The following NTMT2 variants were observed in gnomAD, a reference collection of about 807,000 sequenced individuals.
NTMT2 encodes the protein N-terminal Xaa-Pro-Lys N-methyltransferase 2.
Under a neutral mutation model 23.4 loss-of-function variants are expected in NTMT2, and 21 were observed. That is an observed-to-expected ratio of 0.90 (90% CI 0.64 to 1.29). The LOEUF is 1.29. NTMT2 is among the 50% of genes most tolerant of loss of function. The probability of loss-of-function intolerance (pLI) is 0.00; values close to 1 mark genes in which losing one functional copy is unlikely to be tolerated. For synonymous variants in NTMT2, 131 were observed against 127.7 expected (o/e 1.03, Z -0.17); for missense variants, 336 against 352.0 (o/e 0.95, Z 0.36).
At position 170,163,083 on chromosome 1, in the gene NTMT2, G is replaced by A. The variant is rs1412512150; in HGVS notation, c.330+2390G>A. On this transcript the variant is annotated intron_variant, in intron 2 of 3. Transcript: ENST00000439373. ...GATGCTGGTCAGACAGAGCCCATAA[G>A]CACGCCCACAGACCTGGGAAAGGAA... 2.6e-5 allele frequency among the ~76,000 whole-genome samples: 4 copies of A among 152,108 alleles called. No individual in the cohort carries two copies. The East Asian group carries it at 7.7e-4, about 29-fold the overall frequency.
Position 170,160,351 on chromosome 1 carries a change from G to A in NTMT2, c.155-167G>A, listed in dbSNP as rs878918907. Among the ~76,000 whole-genome samples, 4 of 152,272 alleles carry A rather than the reference G, an allele frequency of 2.6e-5. No individual in the cohort carries two copies. In the South Asian group the frequency reaches 8.3e-4, roughly 32 times the overall value. On this transcript the variant is annotated intron_variant, in intron 1 of 3. Transcript: ENST00000439373. ...AGATGTTTTCCCAGCATTACATAGT[G>A]CATAAGTCATGGAGCCAAAACTCAA...
At chr1:170,146,576 A>G (rs1478313627) in intron 1 of NTMT2, among the ~76,000 whole-genome samples, 1 of 152,186 alleles carries the variant, frequency 6.6e-6, no homozygotes, top group Non-Finnish European at 1.5e-5. Context: ...TTTACAAAAA[A>G]TTGTAATTGG....
At chr1:170,162,856 C>CTTTATTTATTTA (rs61583139) in intron 2 of NTMT2, among the ~76,000 whole-genome samples, 15 of 148,874 alleles carry the variant, frequency 1.0e-4, no homozygotes, top group African/African-American at 2.0e-4. Flanking sequence ...AAAATCCCTG[C>CTTTATTTATTTA]TTTATTTATT....
intron 2 of NTMT2, among the ~76,000 whole-genome samples, chr1:170,163,466 G>A (rs765283790): frequency 7.9e-5 from 12 of 152,172 alleles, no homozygotes; most frequent in Non-Finnish European, 1.8e-4. Flanking sequence ...ATTTACTTTA[G>A]CAAATAAACA....
At chr1:170,166,375 T>C (rs1673386377) in intron 2 of NTMT2, 127 bp from the exon 3 acceptor site, 3 of 911,210 alleles carry the variant, frequency 3.3e-6, no homozygotes, top group Admixed American at 4.8e-5. Context: ...TCTCTTGACC[T>C]CGTGATCCGC....
intron 3 of NTMT2, among the ~76,000 whole-genome samples, chr1:170,167,062 A>G (rs1673408886): frequency 6.6e-6 from 1 of 152,208 alleles, no homozygotes; most frequent in African/African-American, 2.4e-5. Flanking sequence ...TCAAAAGTGC[A>G]GTCAAAAAGG....
rs1331551260 is a variant in NTMT2, at chr1:170,166,507, T to A, written c.336T>A (p.Pro112=). ...QKFLRKFVGG[P]GRAGTDCALD... ...ATCAAGGTGCCTTTCTGCAGGGGCC[T>A]GGGAGAGCTGGAACAGACTGCGCCT... Residue 112 remains proline, a synonymous_variant, in exon 3 of 4, where the codon CCT becomes CCA. Transcript: ENST00000439373. 1 of 1,552,290 alleles carries A rather than the reference T, an allele frequency of 6.4e-7. No homozygotes were observed. Among genetic ancestry groups the A allele is most frequent in the Non-Finnish European group, 8.7e-7 (1 of 1,147,136 alleles).
At position 170,167,467 on chromosome 1, in the gene NTMT2, C is replaced by T; in HGVS notation, c.581-19C>T. The T allele has an allele frequency of 6.5e-7, 1 of 1,526,842 alleles. No homozygotes were observed. Among genetic ancestry groups the T allele is most frequent in the African/African-American group, 1.4e-5 (1 of 72,818 alleles). The allele number at this position is 1,526,842 out of a possible 1,614,324, so 94.6% of individuals were successfully genotyped here. A position where few individuals can be genotyped will look rare whatever the true frequency, so the allele number is the denominator to read the frequency against. ...CACCATTTCTTCCTGTTCCCCCATCCACTTGGTCTCCCTTGTAGGGCACCT... is the reference window on the plus strand; with the variant it reads ...CACCATTTCTTCCTGTTCCCCCATCTACTTGGTCTCCCTTGTAGGGCACCT... On this transcript the variant is annotated intron_variant, in intron 3 of 3. Transcript: ENST00000439373.
intron 2 of NTMT2, among the ~76,000 whole-genome samples, chr1:170,165,729 T>C (rs965120321): frequency 2.0e-5 from 3 of 152,344 alleles, no homozygotes; most frequent in African/African-American, 7.2e-5. Flanking sequence ...TTTGCTTTTC[T>C]GTAGTGTAAT....
intron 1 of NTMT2, among the ~76,000 whole-genome samples, chr1:170,155,258 A>C (rs1343726010): frequency 1.3e-5 from 2 of 152,180 alleles, no homozygotes; most frequent in Non-Finnish European, 2.9e-5. Context: ...ATAGAGGAAG[A>C]AGCTGAGGCT....
intron 1 of NTMT2, among the ~76,000 whole-genome samples, chr1:170,158,342 C>A (rs1361515760): frequency 6.6e-6 from 1 of 151,886 alleles, no homozygotes. Flanking sequence ...TAAGTATTTA[C>A]CCTGGAATGT....
chr1:170,161,059 C>T (rs1673265262), intron 2 of NTMT2, among the ~76,000 whole-genome samples: 1 of 152,070 alleles, frequency 6.6e-6, no homozygotes, highest in Admixed American at 6.6e-5. Flanking sequence ...CTTTTGGGAT[C>T]TTGGGTTGAC....
chr1:170,159,926 A>G (rs1478059787), intron 1 of NTMT2, among the ~76,000 whole-genome samples: 1 of 152,230 alleles, frequency 6.6e-6, no homozygotes, highest in East Asian at 1.9e-4. Flanking sequence ...ACTACCTAGG[A>G]CAGAATGGCT....
At chr1:170,157,172 C>T (rs1673180000) in intron 1 of NTMT2, among the ~76,000 whole-genome samples, 1 of 152,088 alleles carries the variant, frequency 6.6e-6, no homozygotes, top group African/African-American at 2.4e-5. Flanking sequence ...ATACCCTTTA[C>T]CAAGTGCTAG....
intron 1 of NTMT2, among the ~76,000 whole-genome samples, chr1:170,159,714 A>T (rs1164076681): frequency 6.6e-6 from 1 of 152,138 alleles, no homozygotes; most frequent in East Asian, 1.9e-4. Context: ...TTGAACCAGA[A>T]GTTCCATCCT....
intron 1 of NTMT2, among the ~76,000 whole-genome samples, chr1:170,158,898 A>T (rs1673214669): frequency 6.6e-6 from 1 of 151,932 alleles, no homozygotes; most frequent in African/African-American, 2.4e-5. Context: ...GCCTGTTCTC[A>T]TATCTCTTCA....
intron 1 of NTMT2, among the ~76,000 whole-genome samples, chr1:170,156,853 T>C (rs2102235499): frequency 6.6e-6 from 1 of 152,214 alleles, no homozygotes; most frequent in South Asian, 2.1e-4. Context: ...GTGGTCTAAA[T>C]GTTGCTGGCA....
intron 2 of NTMT2, 89 bp downstream of exon 2, chr1:170,160,782 C>T: frequency 2.5e-6 from 3 of 1,189,590 alleles, no homozygotes; most frequent in Non-Finnish European, 3.4e-6. Flanking sequence ...TAAGTCACGA[C>T]TAAGCCATAT....
Position 170,166,537 on chromosome 1 carries a change from C to T in NTMT2, c.366C>T (p.Asp122=). 1 of 1,552,302 alleles carries T rather than the reference C, an allele frequency of 6.4e-7. No individual in the cohort carries two copies. Residue 122 remains aspartate, a synonymous_variant, in exon 3 of 4, where the codon GAC becomes GAT. Transcript: ENST00000439373. ...PGRAGTDCAL[D]CGSGIGRVSK... ...GAGCTGGAACAGACTGCGCCTTGGACTGCGGCTCCGGGATAGGAAGGGTCA... is the reference window on the plus strand; with the variant it reads ...GAGCTGGAACAGACTGCGCCTTGGATTGCGGCTCCGGGATAGGAAGGGTCA...
Sources: allele counts gnomAD v4.1 joint callset (sites outside exome capture counted in the v4.1 genomes callset), GRCh38; gene constraint gnomAD v4.1.1; transcripts MANE v1.5; gene names NCBI Gene and HGNC (gene_info 2026-07-23, HGNC 2026-07-21).